CSRP1: variants seen among roughly 807,000 people sequenced by gnomAD.
CSRP1 encodes cysteine and glycine-rich protein 1.
CSRP1 carries 16 observed loss-of-function variants against 25.4 expected under a neutral mutation model. That is an observed-to-expected ratio of 0.63 (90% CI 0.43 to 0.96). CSRP1 has a LOEUF of 0.96. CSRP1 is among the 40% of genes least tolerant of loss of function. CSRP1 has a pLI of 0.00. For synonymous variants in CSRP1, 97 were observed against 95.3 expected (o/e 1.02, Z -0.10); for missense variants, 212 against 243.6 (o/e 0.87, Z 0.86).
Position 201,494,452 on chromosome 1 carries a change from T to C in CSRP1, c.112+1740A>G, listed in dbSNP as rs143632230. On this transcript the variant is annotated intron_variant, in intron 2 of 5. Coordinates refer to ENST00000340006, the MANE Select transcript of CSRP1 (RefSeq NM_004078.3). ...TAGTGAACTGCTGATAACAAGACGC[T>C]GCTGTTTCTGGCCTCCTTTGCAGGC... 3.6e-3 allele frequency among the ~76,000 whole-genome samples: 551 copies of C among 152,342 alleles called. 11 individuals carry two copies. In the South Asian group the frequency reaches 0.062, roughly 17 times the overall value.
chr1:201,505,876 G>T lies in CSRP1; in HGVS notation c.-2+1194C>A, dbSNP rs139717970. On this transcript the variant is annotated intron_variant, in intron 1 of 5. Transcript: ENST00000340006. ...ACCTGGGGAAAATCCCCAACATGCA[G>T]TCTGAGAGGACAGAGGGAGACAACC... is the stretch of plus-strand genomic sequence containing the variant. Among the ~76,000 whole-genome samples, 1,498 of 152,318 alleles carry T rather than the reference G, an allele frequency of 9.8e-3. 26 individuals are homozygous for T. Among genetic ancestry groups the T allele is most frequent in the African/African-American group, 0.033 (1,377 of 41,558 alleles).
chr1:201,484,334 C>T lies in CSRP1; in HGVS notation c.*379G>A. The T allele has an allele frequency of 2.0e-6, 1 of 507,266 alleles. No homozygotes were observed. 31.4% of individuals were successfully genotyped at this position (507,266 alleles called of 1,614,324 possible). On this transcript the variant is annotated 3_prime_UTR_variant, in exon 6 of 6. Coordinates refer to ENST00000340006, the MANE Select transcript of CSRP1 (RefSeq NM_004078.3). ...GGTCTTGCTTCCCTCTCCCTCCAGC[C>T]TGTTGCTGCTGCTCCTCTGGGTGCC...
At chr1:201,494,848 ACG>A (rs1176468356) in intron 2 of CSRP1, among the ~76,000 whole-genome samples, 6 of 139,952 alleles carry the variant, frequency 4.3e-5, no homozygotes, top group East Asian at 5.6e-4. Flanking sequence ...GTGCGTGTGC[ACG>A]TGTGTGCGCA....
chr1:201,491,039 G>A (rs185777515), intron 2 of CSRP1: 4 of 152,338 alleles, frequency 2.6e-5, no homozygotes, highest in East Asian at 1.9e-4. Context: ...AGAGTGGAAC[G>A]GAAGGAACTA....
Position 201,484,426 on chromosome 1 carries a change from G to GCT in CSRP1, c.*285_*286dup. 1.9e-6 allele frequency: 1 copy of GCT among 533,144 alleles called. No homozygotes were observed. The highest frequency in any genetic ancestry group is 3.2e-5 in the Admixed American group (1 of 31,710). The allele number at this position is 533,144 out of a possible 1,614,324, so 33.0% of individuals were successfully genotyped here. Reference sequence around the variant, plus strand: ...CGCAGCACAGGAGGCTAAGAACAGAGCTCTGTGGGGCGAGGTGTGGGGAGA... The same window carrying GCT: ...CGCAGCACAGGAGGCTAAGAACAGAGCTCTCTGTGGGGCGAGGTGTGGGGAGA... On this transcript the variant is annotated 3_prime_UTR_variant, in exon 6 of 6. Coordinates refer to ENST00000340006, the MANE Select transcript of CSRP1 (RefSeq NM_004078.3).
At chr1:201,489,869 C>CAA in intron 3 of CSRP1, 3 of 234,778 alleles carry the variant, frequency 1.3e-5, no homozygotes, top group Non-Finnish European at 2.5e-5. Context: ...GACTCCCTTT[C>CAA]AAAAAAAAAC....
intron 1 of CSRP1, among the ~76,000 whole-genome samples, chr1:201,505,852 C>T (rs1664809841): frequency 1.3e-5 from 2 of 152,320 alleles, no homozygotes; most frequent in South Asian, 2.1e-4. Flanking sequence ...CCAAATCCCA[C>T]CTGGGGAAAA....
chr1:201,485,628 C>A (rs1664110918), intron 4 of CSRP1: 1 of 499,642 alleles, frequency 2.0e-6, no homozygotes. Context: ...ACCAGCTATA[C>A]CACAAAAGGC....
At chr1:201,500,331 G>A (rs760394090) in intron 1 of CSRP1, among the ~76,000 whole-genome samples, 9 of 152,208 alleles carry the variant, frequency 5.9e-5, no homozygotes, top group African/African-American at 2.2e-4. Flanking sequence ...CCCTCTGGGG[G>A]AGACCCACAG....
At chr1:201,486,874 T>A (rs932604422) in intron 4 of CSRP1, 2 of 1,220,832 alleles carry the variant, frequency 1.6e-6, no homozygotes, top group Admixed American at 6.6e-5. Flanking sequence ...ATGGAAATAG[T>A]GATTCTTAGC....
At chr1:201,485,419 A>G in intron 4 of CSRP1, 43 bp from the exon 5 acceptor site, 2 of 1,573,066 alleles carry the variant, frequency 1.3e-6, no homozygotes, top group South Asian at 1.1e-5. Context: ...ACCAGTGATG[A>G]GGGTACCCTC....
intron 1 of CSRP1, among the ~76,000 whole-genome samples, chr1:201,504,071 T>A (rs1037098405): frequency 2.0e-5 from 3 of 152,214 alleles, no homozygotes; most frequent in Admixed American, 2.0e-4. Flanking sequence ...AGCTGATGTG[T>A]TTCACAAATG....
intron 4 of CSRP1, chr1:201,487,078 A>T: frequency 1.1e-6 from 1 of 887,632 alleles, no homozygotes; most frequent in Non-Finnish European, 1.6e-6. Context: ...ACCAGGCACT[A>T]CATTGCACAT....
chr1:201,497,875 T>A (rs1664557638), intron 1 of CSRP1, among the ~76,000 whole-genome samples: 1 of 152,006 alleles, frequency 6.6e-6, no homozygotes, highest in South Asian at 2.1e-4. Flanking sequence ...TGGGGCGTGG[T>A]GGCACCTGCC....
At chr1:201,487,192 G>A (rs925415936) in intron 4 of CSRP1, 4 of 321,178 alleles carry the variant, frequency 1.2e-5, no homozygotes, top group South Asian at 5.5e-5. Flanking sequence ...TGGGTGGATC[G>A]TGAGGTCCAG....
Position 201,486,552 on chromosome 1 carries a change from C to G in CSRP1, c.412-1176G>C, listed in dbSNP as rs1348404200. On this transcript the variant is annotated intron_variant, in intron 4 of 5. Coordinates refer to ENST00000340006, the MANE Select transcript of CSRP1 (RefSeq NM_004078.3). ...TGGGTCTAGGTCAGTGCTGGTGCAA[C>G]CTCAATAGTCACCCAGCCTTTGCTG... is the stretch of plus-strand genomic sequence containing the variant. 3.0e-6 allele frequency: 3 copies of G among 989,950 alleles called. No individual in the cohort carries two copies. The African/African-American group carries it at 5.2e-5, about 17-fold the overall frequency. 61.3% of individuals were successfully genotyped at this position (989,950 alleles called of 1,614,324 possible).
At chr1:201,498,169 C>T (rs572101520) in intron 1 of CSRP1, among the ~76,000 whole-genome samples, 7 of 152,288 alleles carry the variant, frequency 4.6e-5, no homozygotes, top group Non-Finnish European at 8.8e-5. Flanking sequence ...CAGAGCAGCA[C>T]GGAAGGTAAC....
chr1:201,488,969 C>T lies in CSRP1; in HGVS notation c.297G>A (p.Arg99=). The T allele has an allele frequency of 6.2e-7, 1 of 1,613,912 alleles. No homozygotes were observed. Among genetic ancestry groups the T allele is most frequent in the Non-Finnish European group, 8.5e-7 (1 of 1,179,906 alleles). The change falls in exon 4 of 6, where the codon AGG becomes AGA. Residue 99 remains arginine (R), a synonymous_variant. Coordinates refer to ENST00000340006, the MANE Select transcript of CSRP1 (RefSeq NM_004078.3). ...TGGATGCATTGGGGTTGGTGGTGGGCCTGTGGCCAGGGGCTCTGCATGGAG... is the reference window on the plus strand; with the variant it reads ...TGGATGCATTGGGGTTGGTGGTGGGTCTGTGGCCAGGGGCTCTGCATGGAG... ...GIKHEEAPGH[R]PTTNPNASKF... is the part of the protein sequence containing the mutation.
intron 1 of CSRP1, among the ~76,000 whole-genome samples, chr1:201,505,307 G>C (rs1370440144): frequency 6.6e-6 from 1 of 152,116 alleles, no homozygotes; most frequent in African/African-American, 2.4e-5. Flanking sequence ...ACACTCCCAG[G>C]CTGCAACTCT....
Sources: allele counts gnomAD v4.1 joint callset (sites outside exome capture counted in the v4.1 genomes callset), GRCh38; gene constraint gnomAD v4.1.1; transcripts MANE v1.5; gene names NCBI Gene and HGNC (gene_info 2026-07-23, HGNC 2026-07-21).